The following KCTD20 variants were observed in gnomAD, a reference collection of about 807,000 sequenced individuals.
KCTD20 encodes the protein BTB/POZ domain-containing protein KCTD20.
Under a neutral mutation model 39.6 loss-of-function variants are expected in KCTD20, and 30 were observed. The observed-to-expected ratio is 0.76, with a 90% confidence interval of 0.57 to 1.03. KCTD20 has a LOEUF of 1.03. Among genes scored for constraint, KCTD20 ranks in the 50% least tolerant of loss-of-function variants. The pLI is 0.00. For missense variants in KCTD20, 422 were observed against 522.0 expected (o/e 0.81, Z 1.87); for synonymous variants, 162 against 180.6 (o/e 0.90, Z 0.83).
chr6:36,476,567 T>A (rs945375683), intron 3 of KCTD20, among the ~76,000 whole-genome samples: 2 of 151,736 alleles, frequency 1.3e-5, no homozygotes, highest in African/African-American at 4.8e-5. Flanking sequence ...GTAGCTGGGA[T>A]CACAGGTGTG....
At position 36,479,705 on chromosome 6, in the gene KCTD20, G is replaced by C. The variant is rs755999513; in HGVS notation, c.652G>C (p.Asp218His). The C allele has an allele frequency of 6.4e-7, 1 of 1,554,996 alleles. No individual in the cohort carries two copies. Among genetic ancestry groups the C allele is most frequent in the Non-Finnish European group, 8.7e-7 (1 of 1,145,078 alleles). ...TGACTTCAACACTATCCGATGTCAA[G>C]ATCTGAGTAAGTACAGGAGCAGGTG... ...NFDFNTIRCQ[D>H]LSALLHELSN... Residue 218 changes from aspartate (D) to histidine (H), a missense_variant, in exon 5 of 8, where the codon GAT becomes CAT. By Grantham distance (81) the Asp-to-His change is moderately conservative. Transcript: ENST00000373731.
At chr6:36,458,424 CTAGCTACTCAGGAGGCTAAGGCAG>C (rs1775501601) in intron 1 of KCTD20, among the ~76,000 whole-genome samples, 5 of 151,112 alleles carry the variant, frequency 3.3e-5, no homozygotes, top group Admixed American at 6.6e-5. Context: ...GTCTGTAATC[CTAGCTACTCAGGAGGCTAAGGCAG>C]GAGAATTGCT....
rs148483731 is a variant in KCTD20, at chr6:36,487,060, G to A, written c.1145G>A (p.Gly382Glu). The A allele has an allele frequency of 2.6e-5, 42 of 1,614,232 alleles. No individual in the cohort carries two copies. In the East Asian group the frequency reaches 9.4e-4, roughly 36 times the overall value. The change falls in exon 8 of 8, where the codon GGA becomes GAA. Residue 382 changes from glycine (G) to glutamate (E), a missense_variant. Gly to Glu is a moderately conservative substitution (Grantham distance 98, BLOSUM62 -2). Coordinates refer to ENST00000373731, the MANE Select transcript of KCTD20 (RefSeq NM_173562.5). ...TCCCTCACGAATCTGGTAGCTGCTGGAGATGATGTCTTGGAGGACCAGGAG... is the reference window on the plus strand; with the variant it reads ...TCCCTCACGAATCTGGTAGCTGCTGAAGATGATGTCTTGGAGGACCAGGAG... ...SKSLTNLVAAGDDVLEDQEIL... is the reference protein window; with the variant it reads ...SKSLTNLVAAEDDVLEDQEIL...
chr6:36,480,773 G>A (rs1445911219), intron 5 of KCTD20, among the ~76,000 whole-genome samples: 4 of 152,062 alleles, frequency 2.6e-5, no homozygotes, highest in Non-Finnish European at 5.9e-5. Flanking sequence ...GCCTGGTCTC[G>A]AACTCCTGAC....
chr6:36,464,364 G>A (rs753017599), intron 1 of KCTD20, among the ~76,000 whole-genome samples: 2 of 152,130 alleles, frequency 1.3e-5, no homozygotes, highest in Non-Finnish European at 2.9e-5. Context: ...TCTGTCATGG[G>A]TTGGAGTGCA....
At chr6:36,449,894 G>A (rs865892677) in intron 1 of KCTD20, among the ~76,000 whole-genome samples, 52 of 152,190 alleles carry the variant, frequency 3.4e-4, no homozygotes, top group African/African-American at 1.2e-3. Flanking sequence ...GCCGGGCGCG[G>A]TGGCTCACGC....
chr6:36,486,731 G>C, intron 7 of KCTD20, 152 bp from the exon 8 acceptor site: 6 of 692,670 alleles, frequency 8.7e-6, no homozygotes, highest in Non-Finnish European at 1.5e-5. Context: ...GGTGACTGGG[G>C]CTGGGAAAGC....
chr6:36,474,746 T>G, intron 2 of KCTD20, 43 bp from the exon 3 acceptor site: 1 of 1,493,504 alleles, frequency 6.7e-7, no homozygotes. Flanking sequence ...CTCTCAAGGC[T>G]TTTGCTCTCA....
At chr6:36,459,254 T>G (rs376213186) in intron 1 of KCTD20, among the ~76,000 whole-genome samples, 4 of 152,052 alleles carry the variant, frequency 2.6e-5, no homozygotes, top group African/African-American at 9.7e-5. Context: ...GAGGTTGTAG[T>G]GAGCTGAGAT....
rs1006700816 is a variant in KCTD20 at position 36,487,708 on chromosome 6, G to C, written c.*533G>C. Reference sequence around the variant, plus strand: ...CAAATTGCATCTGGAAAGAACTAGGGTCTCATTCAGAATGTCCAAAAGGAA... The same window carrying C: ...CAAATTGCATCTGGAAAGAACTAGGCTCTCATTCAGAATGTCCAAAAGGAA... On this transcript the variant is annotated 3_prime_UTR_variant, in exon 8 of 8. Transcript: ENST00000373731. The C allele has an allele frequency of 2.0e-5, 3 of 152,854 alleles. No homozygotes were observed. Among genetic ancestry groups the C allele is most frequent in the Non-Finnish European group, 4.4e-5 (3 of 68,318 alleles). The allele number at this position is 152,854 out of a possible 1,614,324, so 9.5% of individuals were successfully genotyped here.
intron 2 of KCTD20, among the ~76,000 whole-genome samples, chr6:36,472,397 C>T (rs537847361): frequency 6.6e-6 from 1 of 152,216 alleles, no homozygotes; most frequent in South Asian, 2.1e-4. Context: ...ACTAAGTGTC[C>T]TCTACCCAAC....
At chr6:36,451,238 T>C (rs1035997530) in intron 1 of KCTD20, 1 of 152,218 alleles carries the variant, frequency 6.6e-6, no homozygotes, top group Non-Finnish European at 1.5e-5. Context: ...ACCATTCCAA[T>C]GATTCCAATG....
Position 36,470,066 on chromosome 6 carries a change from C to A in KCTD20, c.-32C>A. The A allele has an allele frequency of 6.5e-7, 1 of 1,537,340 alleles. No homozygotes were observed. The highest frequency in any genetic ancestry group is 8.8e-7 in the Non-Finnish European group (1 of 1,133,738). On this transcript the variant is annotated 5_prime_UTR_variant, in exon 2 of 8. Coordinates refer to ENST00000373731, the MANE Select transcript of KCTD20 (RefSeq NM_173562.5). The stretch of plus-strand genomic sequence containing the variant: ...CTGTGTTCCAGGATTTCTCTCTGAT[C>A]AAACGGACAGTTCAGGACTCAGAAT...
rs765641980 is a variant in KCTD20 at position 36,479,605 on chromosome 6, C to T, written c.552C>T (p.Thr184=). Residue 184 remains threonine, a synonymous_variant, in exon 5 of 8, where the codon ACC becomes ACT. Transcript: ENST00000373731. ...TCTATTTACAGGATTATTACAAAAC[C>T]GGTATCATCAATTGTCCTGATGGCA... is the stretch of plus-strand genomic sequence containing the variant. ...VFRTVLDYYK[T]GIINCPDGIS... The T allele has an allele frequency of 1.2e-5, 20 of 1,604,686 alleles. No individual in the cohort carries two copies. The highest frequency in any genetic ancestry group is 1.6e-4 in the Middle Eastern group (1 of 6,072).
rs147178378 is a variant in KCTD20, at chr6:36,489,081, T to A, written c.*1906T>A. On this transcript the variant is annotated 3_prime_UTR_variant, in exon 8 of 8. Transcript: ENST00000373731. ...ACATTTATACCCACTACCAGTTGAC[T>A]AGCCCAGATAATTGTTAAATGGTGC... The A allele has an allele frequency of 1.9e-3, 296 of 152,796 alleles. 2 individuals carry two copies. Among genetic ancestry groups the A allele is most frequent in the African/African-American group, 7.0e-3 (292 of 41,592 alleles). 9.5% of individuals were successfully genotyped at this position (152,796 alleles called of 1,614,324 possible).
At chr6:36,447,552 T>C (rs572578784) in intron 1 of KCTD20, among the ~76,000 whole-genome samples, 26 of 151,794 alleles carry the variant, frequency 1.7e-4, no homozygotes, top group African/African-American at 6.0e-4. Context: ...ATTGCTTGAA[T>C]CTGGGAGGCA....
chr6:36,490,708 A>C lies in KCTD20; in HGVS notation c.*3533A>C, dbSNP rs1423575255. The C allele has an allele frequency of 6.6e-6, 1 of 151,026 alleles. No individual in the cohort carries two copies. Among genetic ancestry groups the C allele is most frequent in the Non-Finnish European group, 1.5e-5 (1 of 67,808 alleles). The allele number at this position is 151,026 out of a possible 1,614,324, so 9.4% of individuals were successfully genotyped here. On this transcript the variant is annotated 3_prime_UTR_variant, in exon 8 of 8. Transcript: ENST00000373731. ...GCCAGGCATGGACATGGTAGTGCAT[A>C]CCTGTGGTCCCAGCCACTCAAGAGG... is the stretch of plus-strand genomic sequence containing the variant.
At chr6:36,453,056 G>A (rs1226496722) in intron 1 of KCTD20, among the ~76,000 whole-genome samples, 2 of 136,470 alleles carry the variant, frequency 1.5e-5, no homozygotes, top group Admixed American at 8.3e-5. Flanking sequence ...TGCCCTGGCT[G>A]GAGTGCAGTG....
intron 6 of KCTD20, among the ~76,000 whole-genome samples, chr6:36,482,425 C>T (rs760065608): frequency 6.6e-6 from 1 of 151,942 alleles, no homozygotes; most frequent in Non-Finnish European, 1.5e-5. Flanking sequence ...TGGTGGCGTG[C>T]GCCTGTAGTC....
Sources: gnomAD v4.1 joint callset for allele counts (sites outside exome capture counted in the v4.1 genomes callset) on GRCh38, gnomAD v4.1.1 for gene constraint, MANE v1.5 for transcripts, NCBI Gene and HGNC (gene_info 2026-07-23, HGNC 2026-07-21) for gene names.